Variants in DFFA observed in about 807,000 individuals in gnomAD.
DFFA encodes DNA fragmentation factor subunit alpha.
A neutral mutation model predicts 28.0 loss-of-function variants in DFFA; 14 were observed. That is an observed-to-expected ratio of 0.50 (90% CI 0.33 to 0.78). DFFA has a LOEUF of 0.78. Ranked by LOEUF, DFFA falls within the 30% of genes least tolerant of loss-of-function variation. The pLI, the probability that DFFA is intolerant of heterozygous loss-of-function variation, is 0.02. For missense variants in DFFA, 395 were observed against 407.1 expected, an observed-to-expected ratio of 0.97 and a Z score of 0.26; for synonymous variants, 158 against 170.3, an observed-to-expected ratio of 0.93 and a Z score of 0.56.
At chr1:10,468,335 C>T (rs1641049815) in intron 2 of DFFA, among the ~76,000 whole-genome samples, 2 of 151,168 alleles carry the variant, frequency 1.3e-5, no homozygotes, top group South Asian at 4.2e-4. Context: ...TTTTGCCCCC[C>T]AGGAGACATC....
At position 10,469,209 on chromosome 1, in the gene DFFA, G is replaced by C. The variant is rs1467838084; in HGVS notation, c.266C>G (p.Ala89Gly). Residue 89 changes from alanine to glycine, a missense_variant, in exon 2 of 6, where the codon GCT (alanine) becomes GGT (glycine). Ala to Gly is a moderately conservative substitution (Grantham distance 60, BLOSUM62 0). Coordinates refer to ENST00000377038, the MANE Select transcript of DFFA (RefSeq NM_004401.3). ...GTTGTATGCCCATTTCTCATTACTA[G>C]CCAATGCCACAAACTTAGTATTGGA... Reference protein sequence around the residue: ...LPSNTKFVALASNEKWAYNNS... With the variant: ...LPSNTKFVALGSNEKWAYNNS... The C allele has an allele frequency of 6.2e-7, 1 of 1,614,108 alleles. No individual in the cohort carries two copies. Among genetic ancestry groups the C allele is most frequent in the Non-Finnish European group, 8.5e-7 (1 of 1,180,014 alleles).
At chr1:10,465,644 G>C (rs1178482221) in intron 3 of DFFA, among the ~76,000 whole-genome samples, 1 of 151,970 alleles carries the variant, frequency 6.6e-6, no homozygotes, top group Non-Finnish European at 1.5e-5. Context: ...GCCCGCCCCG[G>C]CCTCCCAAAG....
chr1:10,467,469 G>T lies in DFFA; in HGVS notation c.299-137C>A, dbSNP rs1422609335. The T allele has an allele frequency of 6.1e-6, 6 of 977,116 alleles. No individual in the cohort carries two copies. The East Asian group carries it at 1.2e-4, about 20-fold the overall frequency. 60.5% of individuals were successfully genotyped at this position (977,116 alleles called of 1,614,324 possible). A position where few individuals can be genotyped will look rare whatever the true frequency, so the allele number is the denominator to read the frequency against. ...AAGCATCTTATCTCAAGGATTCACA[G>T]GAGGGTCAATATCCATCCAGGACCT... On this transcript the variant is annotated intron_variant, in intron 2 of 5. Coordinates refer to ENST00000377038, the MANE Select transcript of DFFA (RefSeq NM_004401.3).
chr1:10,463,665 G>A, intron 3 of DFFA, 45 bp from the exon 4 acceptor site: 1 of 1,547,350 alleles, frequency 6.5e-7, no homozygotes, highest in Non-Finnish European at 8.7e-7. Flanking sequence ...GGGACTTTCT[G>A]ACTTTCTTTT....
Position 10,472,310 on chromosome 1 carries a change from G to T in DFFA, c.136+13C>A. The T allele has an allele frequency of 3.2e-6, 5 of 1,577,064 alleles. No individual in the cohort carries two copies. In the South Asian group the frequency reaches 4.6e-5, roughly 14 times the overall value. On this transcript the variant is annotated intron_variant, in intron 1 of 5. Transcript: ENST00000377038. The surrounding 1 kb of genome is among the most constrained non-coding windows in gnomAD (Gnocchi z 5.0). ...TGGCTCCCCCACACCCTCGCCCGGG[G>T]TCCCGAGCCAACCCTTGCTCCTCAG...
At chr1:10,464,825 GAT>G (rs1388328208) in intron 3 of DFFA, among the ~76,000 whole-genome samples, 1 of 152,166 alleles carries the variant, frequency 6.6e-6, no homozygotes, top group African/African-American at 2.4e-5. Context: ...ACCACTGTCT[GAT>G]ATGCTTTCCT....
intron 3 of DFFA, among the ~76,000 whole-genome samples, chr1:10,466,429 T>C (rs1414573171): frequency 6.6e-6 from 1 of 151,866 alleles, no homozygotes; most frequent in Non-Finnish European, 1.5e-5. Context: ...GACCTCGTGA[T>C]CTGCCCGCCT....
rs1314726945 is a variant in DFFA, at chr1:10,458,090, T to C, written c.*3400A>G. ...AATCAAGGACAGACACGTTTACTGT[T>C]CTGGGAAATCCCATTTCCAAGGGCA... On this transcript the variant is annotated 3_prime_UTR_variant, in exon 6 of 6. Transcript: ENST00000377038. The C allele has an allele frequency of 6.6e-6, 1 of 152,216 alleles. No homozygotes were observed. Among genetic ancestry groups the C allele is most frequent in the Non-Finnish European group, 1.5e-5 (1 of 68,034 alleles). 9.4% of individuals were successfully genotyped at this position (152,216 alleles called of 1,614,324 possible). A position where few individuals can be genotyped will look rare whatever the true frequency, so the allele number is the denominator to read the frequency against.
intron 1 of DFFA, 144 bp from the exon 2 acceptor site, chr1:10,469,482 T>C (rs929837283): frequency 7.4e-6 from 5 of 679,702 alleles, no homozygotes; most frequent in Admixed American, 2.9e-5. Context: ...CTTCTAGCAC[T>C]ACCAGAACAC....
At chr1:10,462,579 T>TA (rs1331971262) in intron 5 of DFFA, 4 of 997,398 alleles carry the variant, frequency 4.0e-6, no homozygotes, top group African/African-American at 3.5e-5. Context: ...GGGAGGTACT[T>TA]ATGACAGGGA....
chr1:10,461,028 C>A lies in DFFA; in HGVS notation c.*462G>T, dbSNP rs1640923814. ...GGTTCATGCCATTCTCCTGCCTCAG[C>A]CTCCCAAGTAGCTGGGATTACAGGC... On this transcript the variant is annotated 3_prime_UTR_variant, in exon 6 of 6. Coordinates refer to ENST00000377038, the MANE Select transcript of DFFA (RefSeq NM_004401.3). 2 of 155,612 alleles carry A rather than the reference C, an allele frequency of 1.3e-5. No homozygotes were observed. The highest frequency in any genetic ancestry group is 2.0e-4 in the South Asian group (1 of 5,096). 9.6% of individuals were successfully genotyped at this position (155,612 alleles called of 1,614,324 possible). A position where few individuals can be genotyped will look rare whatever the true frequency, so the allele number is the denominator to read the frequency against.
chr1:10,465,289 CAG>C (rs907833923), intron 3 of DFFA, among the ~76,000 whole-genome samples: 18 of 151,856 alleles, frequency 1.2e-4, no homozygotes, highest in Non-Finnish European at 2.4e-4. Flanking sequence ...TTTTTTGAGA[CAG>C]AGTCTTGCTC....
chr1:10,471,062 C>CAAAA (rs59465527), intron 1 of DFFA, among the ~76,000 whole-genome samples: 3 of 96,480 alleles, frequency 3.1e-5, no homozygotes, highest in East Asian at 3.0e-4. Context: ...CACTCCGTCT[C>CAAAA]AAAAAAAAAA....
Position 10,463,139 on chromosome 1 carries a change from G to C in DFFA, c.702C>G (p.Asp234Glu), listed in dbSNP as rs369167862. ...TAAGGATGTGGCTCGCCAGCGCAACGTCCGAGGAGGTCTCTCTGCTGATAC... is the reference window on the plus strand; with the variant it reads ...TAAGGATGTGGCTCGCCAGCGCAACCTCCGAGGAGGTCTCTCTGCTGATAC... ...DTGISRETSS[D>E]VALASHILTA... Residue 234 changes from aspartate to glutamate, a missense_variant, in exon 5 of 6, where the codon GAC (aspartate) becomes GAG (glutamate). Transcript: ENST00000377038. 6.2e-7 allele frequency: 1 copy of C among 1,614,074 alleles called. No individual in the cohort carries two copies. The highest frequency in any genetic ancestry group is 8.5e-7 in the Non-Finnish European group (1 of 1,180,016).
rs778007707 is a variant in DFFA, at chr1:10,469,284, G to A, written c.191C>T (p.Ala64Val). ...ATCATCCACTATGGTGCCATCCTCT[G>A]CCAGGACCAGGGTGACTGGTGTCAG... ...KSLTPVTLVL[A>V]EDGTIVDDDD... Residue 64 changes from alanine (A) to valine (V), a missense_variant, in exon 2 of 6, where the codon GCA becomes GTA. Coordinates refer to ENST00000377038, the MANE Select transcript of DFFA (RefSeq NM_004401.3). 6 of 1,614,000 alleles carry A rather than the reference G, an allele frequency of 3.7e-6. No individual in the cohort carries two copies. In the Admixed American group the frequency reaches 1.0e-4, roughly 27 times the overall value.
chr1:10,457,641 A>C lies in DFFA; in HGVS notation c.*3849T>G, dbSNP rs1029188562. ...TGCAGTGAGCAGAGATTGTGCCACT[A>C]CACTCCAGCCTGGGCAACAGAGCAA... On this transcript the variant is annotated 3_prime_UTR_variant, in exon 6 of 6. Coordinates refer to ENST00000377038, the MANE Select transcript of DFFA (RefSeq NM_004401.3). 1 of 152,218 alleles carries C rather than the reference A, an allele frequency of 6.6e-6. No homozygotes were observed. Among genetic ancestry groups the C allele is most frequent in the Non-Finnish European group, 1.5e-5 (1 of 68,096 alleles). 9.4% of individuals were successfully genotyped at this position (152,218 alleles called of 1,614,324 possible).
intron 1 of DFFA, among the ~76,000 whole-genome samples, chr1:10,471,864 C>G (rs917282756): frequency 6.6e-6 from 1 of 152,162 alleles, no homozygotes; most frequent in Non-Finnish European, 1.5e-5. Flanking sequence ...TTACAACTCA[C>G]GTTCCTTGTC....
intron 2 of DFFA, 120 bp downstream of exon 2, chr1:10,469,057 A>G (rs1439132015): frequency 9.1e-7 from 1 of 1,099,726 alleles, no homozygotes. Context: ...AGTGCTCAGT[A>G]AATATCTGTT....
chr1:10,463,982 C>A (rs181285077), intron 3 of DFFA, among the ~76,000 whole-genome samples: 61 of 151,592 alleles, frequency 4.0e-4, no homozygotes, highest in African/African-American at 1.4e-3. Context: ...ACTTTCTAAA[C>A]ACGGTGTTCT....
Sources: allele counts gnomAD v4.1 joint callset (sites outside exome capture counted in the v4.1 genomes callset), GRCh38; gene constraint gnomAD v4.1.1; non-coding constraint Gnocchi (gnomAD v3.1); transcripts MANE v1.5; gene names NCBI Gene and HGNC (gene_info 2026-07-23, HGNC 2026-07-21).